PPL: variants seen among roughly 807,000 people sequenced by gnomAD.
PPL encodes 190 kDa paraneoplastic pemphigus antigen.
A neutral mutation model predicts 194.4 loss-of-function variants in PPL; 198 were observed. That is an observed-to-expected ratio of 1.02 (90% CI 0.91 to 1.15). The LOEUF is 1.15. PPL is among the 50% of genes most tolerant of loss of function. The pLI is 0.00. For synonymous variants in PPL, 1,220 were observed against 972.4 expected (o/e 1.25, Z -4.74); for missense variants, 2,885 against 2,294.8 (o/e 1.26, Z -5.25).
intron 16 of PPL, 191 bp downstream of exon 16, chr16:4,891,620 G>A (rs550573764): frequency 4.4e-5 from 28 of 638,794 alleles, no homozygotes; most frequent in African/African-American, 3.2e-4. Context: ...CCGAAATCCC[G>A]TAAGTCACAC....
At position 4,924,379 on chromosome 16, in the gene PPL, G is replaced by A. The variant is rs1001341906; in HGVS notation, c.62+12605C>T. On this transcript the variant is annotated intron_variant, in intron 1 of 21. Coordinates refer to ENST00000345988, the MANE Select transcript of PPL (RefSeq NM_002705.5). ...TCACGGGGCCAGTAATTACTGAATAGGACTGCGAGATTCTAGGTGATTCTG... is the reference window on the plus strand; with the variant it reads ...TCACGGGGCCAGTAATTACTGAATAAGACTGCGAGATTCTAGGTGATTCTG... Among the ~76,000 whole-genome samples the A allele has an allele frequency of 2.0e-5, 3 of 152,104 alleles. No individual in the cohort carries two copies. The South Asian group carries it at 6.2e-4, about 32-fold the overall frequency.
chr16:4,888,980 T>C lies in PPL; in HGVS notation c.2395A>G (p.Lys799Glu), dbSNP rs757012555. 4 of 1,613,232 alleles carry C rather than the reference T, an allele frequency of 2.5e-6. No homozygotes were observed. In the South Asian group the frequency reaches 4.4e-5, roughly 18 times the overall value. ...TGGGCGGAAGTTTCCCGGCTCACCT[T>C]TACAGCTTGCTGGTACTGCTGGGAA... ...ANSQQYQQAVKDYELEAEKLR... is the reference protein window; with the variant it reads ...ANSQQYQQAVEDYELEAEKLR... The change falls in exon 19 of 22, where the codon AAG becomes GAG. Residue 799 changes from lysine (K) to glutamate (E), a missense_variant and splice_region_variant. Transcript: ENST00000345988.
intron 1 of PPL, among the ~76,000 whole-genome samples, chr16:4,916,629 C>T (rs372456687): frequency 1.5e-3 from 223 of 152,014 alleles, no homozygotes; most frequent in African/African-American, 4.8e-3. Flanking sequence ...CCTCAGCCTC[C>T]GAGTAACTGC....
In PPL at chr16:4,883,637, T is replaced by A. The variant is rs1288816657; in HGVS notation, c.5018A>T (p.Glu1673Val). 6.2e-7 allele frequency: 1 copy of A among 1,614,156 alleles called. No individual in the cohort carries two copies. The highest frequency in any genetic ancestry group is 8.5e-7 in the Non-Finnish European group (1 of 1,180,026). Residue 1673 changes from glutamate to valine, a missense_variant, in exon 22 of 22, where the codon GAA becomes GTA. By Grantham distance (121) the Glu-to-Val change is moderately radical (BLOSUM62 -2). Coordinates refer to ENST00000345988, the MANE Select transcript of PPL (RefSeq NM_002705.5). The surrounding 1 kb of genome is among the most constrained non-coding windows in gnomAD (Gnocchi z 4.8). ...PDTGRELSPEEAHRAGLIDWN... is the reference protein window; with the variant it reads ...PDTGRELSPEVAHRAGLIDWN... ...GTCAATGAGCCCGGCACGGTGGGCT[T>A]CCTCCGGGGACAGCTCGCGGCCTGT...
rs781420537 is a variant in PPL, at chr16:4,899,065, C to A, written c.824G>T (p.Ser275Ile). The A allele has an allele frequency of 1.2e-6, 2 of 1,613,228 alleles. No homozygotes were observed. Among genetic ancestry groups the A allele is most frequent in the South Asian group, 2.2e-5 (2 of 91,074 alleles). ...GGCCGCCAGCAGCTGGTCGCCCTCGCTGTGCAGTTTGTTGATTCTCTCCTC... is the reference window on the plus strand; with the variant it reads ...GGCCGCCAGCAGCTGGTCGCCCTCGATGTGCAGTTTGTTGATTCTCTCCTC... Reference protein sequence around the residue: ...AKEERINKLHSEGDQLLAAEH... With the variant: ...AKEERINKLHIEGDQLLAAEH... Residue 275 changes from serine (S) to isoleucine (I), a missense_variant, in exon 8 of 22, where the codon AGC becomes ATC. Physicochemically the swap from Ser to Ile is moderately radical, Grantham distance 142. Transcript: ENST00000345988.
intron 2 of PPL, 118 bp from the exon 3 acceptor site, chr16:4,904,158 C>A: frequency 9.0e-7 from 1 of 1,117,106 alleles, no homozygotes. Flanking sequence ...CTTTGAATAA[C>A]GTCTTCCAGG....
Position 4,884,320 on chromosome 16 carries a change from C to A in PPL, c.4335G>T (p.Gln1445His), listed in dbSNP as rs1441972581. ...GCGGGTCCTGCTGCAGCACCACCTT[C>A]TGCGTATGGGTTACCTTCTCACGGG... ...AEAREKVTHT[Q>H]KVVLQQDPQQ... is the part of the protein sequence containing the mutation. The change falls in exon 22 of 22, where the codon CAG (glutamine) becomes CAT (histidine). Residue 1445 changes from glutamine to histidine, a missense_variant. Gln to His is a conservative substitution (Grantham distance 24). Coordinates refer to ENST00000345988, the MANE Select transcript of PPL (RefSeq NM_002705.5). This position sits in a 1 kb window ranked among gnomAD's most constrained non-coding sequence, Gnocchi z 5.7. 1.2e-6 allele frequency: 2 copies of A among 1,612,748 alleles called. No homozygotes were observed. Among genetic ancestry groups the A allele is most frequent in the Non-Finnish European group, 8.5e-7 (1 of 1,179,690 alleles).
At chr16:4,924,464 T>C (rs1175102092) in intron 1 of PPL, among the ~76,000 whole-genome samples, 1 of 152,124 alleles carries the variant, frequency 6.6e-6, no homozygotes, top group Admixed American at 6.5e-5. Flanking sequence ...AGTTCTGCTG[T>C]AGGAAAGCTG....
intron 1 of PPL, among the ~76,000 whole-genome samples, chr16:4,915,769 C>T (rs953083738): frequency 3.9e-5 from 6 of 152,172 alleles, no homozygotes; most frequent in African/African-American, 1.4e-4. Context: ...TCATGACAAC[C>T]CTGAGAGCTG....
Position 4,886,342 on chromosome 16 carries a change from G to A in PPL, c.2608-295C>T, listed in dbSNP as rs74003539. Among the ~76,000 whole-genome samples the A allele has an allele frequency of 7.3e-3, 1,119 of 152,306 alleles. 9 individuals carry two copies. Among genetic ancestry groups the A allele is most frequent in the African/African-American group, 0.026 (1,061 of 41,558 alleles). Reference sequence around the variant, plus strand: ...TCTGTCAGCCTTGCAGATGCTATCTGTGCTCACACAAGAATATCTGTCTGT... The same window carrying A: ...TCTGTCAGCCTTGCAGATGCTATCTATGCTCACACAAGAATATCTGTCTGT... On this transcript the variant is annotated intron_variant, in intron 21 of 21. Transcript: ENST00000345988.
chr16:4,900,645 C>T (rs1241439738), intron 6 of PPL, among the ~76,000 whole-genome samples, 185 bp downstream of exon 6: 1 of 151,796 alleles, frequency 6.6e-6, no homozygotes, highest in Non-Finnish European at 1.5e-5. Context: ...ACTATGTTGC[C>T]CAGGTTGGTC....
intron 12 of PPL, 27 bp downstream of exon 12, chr16:4,894,440 T>C (rs1046497281): frequency 1.9e-6 from 3 of 1,612,480 alleles, no homozygotes; most frequent in Non-Finnish European, 2.5e-6. Context: ...GACTGGTCCA[T>C]GCAGACTCCC....
At position 4,899,072 on chromosome 16, in the gene PPL, G is replaced by C. The variant is rs746565545; in HGVS notation, c.817C>G (p.Leu273Val). 12 of 1,613,356 alleles carry C rather than the reference G, an allele frequency of 7.4e-6. No individual in the cohort carries two copies. Among genetic ancestry groups the C allele is most frequent in the Admixed American group, 6.7e-5 (4 of 60,018 alleles). The change falls in exon 8 of 22, where the codon CTG becomes GTG. Residue 273 changes from leucine (L) to valine (V), a missense_variant. By Grantham distance (32) the Leu-to-Val change is conservative. Transcript: ENST00000345988. ...LEAKEERINK[L>V]HSEGDQLLAA... The stretch of plus-strand genomic sequence containing the variant: ...AGCAGCTGGTCGCCCTCGCTGTGCA[G>C]TTTGTTGATTCTCTCCTCTTTGGCC...
Position 4,901,010 on chromosome 16 carries a change from T to G in PPL, c.518A>C (p.Asn173Thr). ...GTGGGGCCCGATGGCCTTGACCTCATTGTGGAAGATGTTATGCTCCTCCAC... is the reference window on the plus strand; with the variant it reads ...GTGGGGCCCGATGGCCTTGACCTCAGTGTGGAAGATGTTATGCTCCTCCAC... The part of the protein sequence containing the change: ...HQVEEHNIFH[N>T]EVKAIGPHLA... The change falls in exon 5 of 22, where the codon AAT (asparagine) becomes ACT (threonine). Residue 173 changes from asparagine (N) to threonine (T), a missense_variant. By Grantham distance (65) the Asn-to-Thr change is moderately conservative. Coordinates refer to ENST00000345988, the MANE Select transcript of PPL (RefSeq NM_002705.5). 6.2e-7 allele frequency: 1 copy of G among 1,614,160 alleles called. No homozygotes were observed. The highest frequency in any genetic ancestry group is 8.5e-7 in the Non-Finnish European group (1 of 1,180,028).
In PPL at chr16:4,892,140, T is replaced by C. The variant is rs540170217; in HGVS notation, c.1724A>G (p.Gln575Arg). 5.0e-6 allele frequency: 8 copies of C among 1,613,838 alleles called. No individual in the cohort carries two copies. Among genetic ancestry groups the C allele is most frequent in the Middle Eastern group, 1.7e-4 (1 of 6,060 alleles). The change falls in exon 15 of 22, where the codon CAG becomes CGG. Residue 575 changes from glutamine (Q) to arginine (R), a missense_variant. Gln to Arg is a conservative substitution (Grantham distance 43, BLOSUM62 1). Coordinates refer to ENST00000345988, the MANE Select transcript of PPL (RefSeq NM_002705.5). ...RSTAEGEAFI[Q>R]ALPGSGTTPL... is the part of the protein sequence containing the mutation. ...TGTGGTGCCACTGCCTGGGAGGGCC[T>C]GGATGAAGGCTTCGCCCTCAGCCGT...
At chr16:4,922,916 C>G (rs1256962415) in intron 1 of PPL, among the ~76,000 whole-genome samples, 1 of 152,156 alleles carries the variant, frequency 6.6e-6, no homozygotes, top group South Asian at 2.1e-4. Context: ...GAGGCTGGTG[C>G]CCATATATGG....
intron 8 of PPL, among the ~76,000 whole-genome samples, chr16:4,898,529 A>G (rs2088478900): frequency 6.6e-6 from 1 of 152,168 alleles, no homozygotes. Flanking sequence ...GGATACAGAG[A>G]GACATGGGGA....
chr16:4,884,552 G>T lies in PPL; in HGVS notation c.4103C>A (p.Ala1368Glu), dbSNP rs752319701. Residue 1368 changes from alanine to glutamate, a missense_variant, in exon 22 of 22, where the codon GCG becomes GAG. Coordinates refer to ENST00000345988, the MANE Select transcript of PPL (RefSeq NM_002705.5). This position sits in a 1 kb window ranked among gnomAD's most constrained non-coding sequence, Gnocchi z 5.7. ...ATCGATGCTCTCGGCAAAGGCGCTC[G>T]CCTCGGCCCGCAGGCCTGGCTCCTC... ...YEEEPGLRAEASAFAESIDVE... is the reference protein window; with the variant it reads ...YEEEPGLRAEESAFAESIDVE... 1 of 1,613,492 alleles carries T rather than the reference G, an allele frequency of 6.2e-7. No individual in the cohort carries two copies. The highest frequency in any genetic ancestry group is 8.5e-7 in the Non-Finnish European group (1 of 1,179,906).
chr16:4,928,797 G>C (rs2089191395), intron 1 of PPL, among the ~76,000 whole-genome samples: 1 of 152,030 alleles, frequency 6.6e-6, no homozygotes, highest in Non-Finnish European at 1.5e-5. Context: ...GATCACCTGA[G>C]GTCAGGTGTT....
Sources: gnomAD v4.1 joint callset for allele counts (sites outside exome capture counted in the v4.1 genomes callset) on GRCh38, gnomAD v4.1.1 for gene constraint, Gnocchi (gnomAD v3.1) non-coding constraint, MANE v1.5 for transcripts, NCBI Gene and HGNC (gene_info 2026-07-23, HGNC 2026-07-21) for gene names.